The following CLEC12A variants were observed in gnomAD, a reference collection of about 807,000 sequenced individuals.
CLEC12A encodes the protein C-type lectin domain family 12 member A.
CLEC12A carries 22 observed loss-of-function variants against 26.5 expected under a neutral mutation model. The ratio of observed to expected loss-of-function variants is 0.83; its 90% CI spans 0.59 to 1.19. The LOEUF is 1.19. Ranked by LOEUF, CLEC12A falls within the 50% of genes most tolerant of loss-of-function variation. The pLI, the probability that CLEC12A is intolerant of heterozygous loss-of-function variation, is 0.00. For synonymous variants in CLEC12A, 119 were observed against 101.9 expected (o/e 1.17, Z -1.01); for missense variants, 353 against 315.6 (o/e 1.12, Z -0.90).
At chr12:9,959,440 G>C (rs562646777) in intron 1 of CLEC12A, among the ~76,000 whole-genome samples, 5 of 132,370 alleles carry the variant, frequency 3.8e-5, no homozygotes, top group Admixed American at 2.4e-4. Flanking sequence ...AGAGAAGAGC[G>C]AAACTCTGTC....
intron 1 of CLEC12A, among the ~76,000 whole-genome samples, chr12:9,966,178 C>G (rs191708885): frequency 4.6e-5 from 7 of 152,236 alleles, no homozygotes; most frequent in Non-Finnish European, 1.0e-4. Context: ...GTTATGAAGG[C>G]AAGGGAAACA....
intron 4 of CLEC12A, chr12:9,991,878 A>G (rs547113697): frequency 6.6e-6 from 1 of 152,276 alleles, no homozygotes; most frequent in South Asian, 2.1e-4. Context: ...GTTCTAAAGT[A>G]GTGATATTTC....
At chr12:9,979,909 GA>G (rs1331236386) in intron 3 of CLEC12A, among the ~76,000 whole-genome samples, 1 of 152,086 alleles carries the variant, frequency 6.6e-6, no homozygotes, top group Non-Finnish European at 1.5e-5. Flanking sequence ...AAAGTCCATA[GA>G]AAAAAATAAA....
chr12:9,958,499 T>C (rs1454124229), intron 1 of CLEC12A, among the ~76,000 whole-genome samples: 1 of 152,252 alleles, frequency 6.6e-6, no homozygotes, highest in Non-Finnish European at 1.5e-5. Flanking sequence ...TATAATGATG[T>C]GGCAGGCCAG....
intron 1 of CLEC12A, chr12:9,953,001 A>G (rs1863656092): frequency 8.0e-6 from 1 of 124,452 alleles, no homozygotes; most frequent in Non-Finnish European, 1.7e-5. Context: ...CTGAGAAGTG[A>G]GGAGCCTCTC....
downstream of CLEC12A, among the ~76,000 whole-genome samples, chr12:9,987,705 C>T (rs574190274): frequency 3.3e-3 from 509 of 152,190 alleles, 3 homozygotes; most frequent in Non-Finnish European, 4.5e-3. Flanking sequence ...TTTGTTTAAA[C>T]ATCTTAAATT....
chr12:9,971,794 A>G (rs1190756378), intron 1 of CLEC12A, 107 bp downstream of exon 1: 5 of 901,754 alleles, frequency 5.5e-6, no homozygotes, highest in Non-Finnish European at 7.9e-6. Flanking sequence ...TAAATTTTCA[A>G]TTAAGTCTCT....
intron 4 of CLEC12A, chr12:9,993,159 AC>A (rs1239010854): frequency 6.2e-7 from 1 of 1,611,212 alleles, no homozygotes; most frequent in East Asian, 2.2e-5. Flanking sequence ...TAGTTGGTCC[AC>A]CTTGGTCATG....
At chr12:9,965,457 G>A (rs541101078) in intron 1 of CLEC12A, among the ~76,000 whole-genome samples, 22 of 150,540 alleles carry the variant, frequency 1.5e-4, no homozygotes, top group Non-Finnish European at 2.8e-4. Context: ...ATACAGCCTA[G>A]GTAATTTGCT....
intron 1 of CLEC12A, among the ~76,000 whole-genome samples, chr12:9,952,306 C>T (rs1863631362): frequency 6.6e-6 from 1 of 150,654 alleles, no homozygotes; most frequent in African/African-American, 2.4e-5. Flanking sequence ...CTGCCTCAGC[C>T]TGCCGAGTGC....
intron 1 of CLEC12A, among the ~76,000 whole-genome samples, chr12:9,966,085 G>T (rs1863939536): frequency 6.6e-6 from 1 of 152,068 alleles, no homozygotes; most frequent in Admixed American, 6.5e-5. Context: ...AAAAAGGAGT[G>T]CTTAAAAGAG....
intron 1 of CLEC12A, among the ~76,000 whole-genome samples, chr12:9,953,684 C>T (rs1384375136): frequency 8.6e-5 from 13 of 151,096 alleles, no homozygotes; most frequent in South Asian, 4.2e-4. Context: ...CCCCTCTGCC[C>T]GGCCACCACC....
the CLEC12A span, among the ~76,000 whole-genome samples, chr12:10,002,829 TC>T: frequency 6.6e-6 from 1 of 152,200 alleles, no homozygotes; most frequent in Non-Finnish European, 1.5e-5. Context: ...CATTATGAAG[TC>T]TTTCATAGAC....
chr12:9,990,104 C>G (rs1269032629), downstream of CLEC12A, among the ~76,000 whole-genome samples: 11 of 152,104 alleles, frequency 7.2e-5, no homozygotes, highest in South Asian at 1.7e-3. Context: ...CCCAAGAGCT[C>G]TTATAGACAT....
chr12:9,987,816 AT>A (rs949911808), downstream of CLEC12A, among the ~76,000 whole-genome samples: 3 of 148,968 alleles, frequency 2.0e-5, no homozygotes, highest in South Asian at 2.1e-4. Context: ...TTATTTATTT[AT>A]TTTTTTTTGA....
At chr12:9,952,232 T>C (rs1306405197) in intron 1 of CLEC12A, among the ~76,000 whole-genome samples, 1 of 140,882 alleles carries the variant, frequency 7.1e-6, no homozygotes, top group Non-Finnish European at 1.5e-5. Flanking sequence ...CCCTCTCATG[T>C]GGAGCCGAAG....
chr12:9,951,317 G>A, exon 1 of CLEC12A: 1 of 702,954 alleles, frequency 1.4e-6, no homozygotes, highest in Non-Finnish European at 2.6e-6. Context: ...GATTGCCTAG[G>A]AAGAACAGCC....
chr12:9,964,381 G>A (rs1288080160), intron 1 of CLEC12A, among the ~76,000 whole-genome samples: 2 of 152,178 alleles, frequency 1.3e-5, no homozygotes, highest in African/African-American at 4.8e-5. Flanking sequence ...TGTTCGCTAA[G>A]GAGGGATTAG....
At chr12:9,998,161 T>C (rs1865097049), downstream of CLEC12A, 2 of 732,332 alleles carry the variant, frequency 2.7e-6, no homozygotes, top group African/African-American at 1.8e-5. Context: ...CAACTATCTG[T>C]AGGACAACTG....
Sources: allele counts gnomAD v4.1 joint callset (sites outside exome capture counted in the v4.1 genomes callset), GRCh38; gene constraint gnomAD v4.1.1; transcripts MANE v1.5; gene names NCBI Gene and HGNC (gene_info 2026-07-23, HGNC 2026-07-21).